RFX3: variants seen among roughly 807,000 people sequenced by gnomAD.
The protein encoded by RFX3 is regulatory factor X3, also known as transcription factor RFX3.
Under a neutral mutation model 98.6 loss-of-function variants are expected in RFX3, and 14 were observed. The ratio of observed to expected loss-of-function variants is 0.14; its 90% CI spans 0.09 to 0.22. The LOEUF is 0.22. Among genes scored for constraint, RFX3 ranks in the 10% least tolerant of loss-of-function variants. The pLI is 1.00. For synonymous variants in RFX3, 383 were observed against 328.4 expected (o/e 1.17, Z -1.80); for missense variants, 639 against 926.9 (o/e 0.69, Z 4.03).
At chr9:3,464,024 A>G (rs1413377261) in intron 1 of RFX3, among the ~76,000 whole-genome samples, 1 of 152,206 alleles carries the variant, frequency 6.6e-6, no homozygotes, top group Non-Finnish European at 1.5e-5. Context: ...AATGACCAAA[A>G]ACTACATGAA....
At chr9:3,232,810 G>A (rs1818648751) in intron 15 of RFX3, among the ~76,000 whole-genome samples, 1 of 151,552 alleles carries the variant, frequency 6.6e-6, no homozygotes, top group African/African-American at 2.4e-5. Flanking sequence ...GAAATGGGAT[G>A]GGATGTGGGG....
intron 1 of RFX3, among the ~76,000 whole-genome samples, chr9:3,412,623 T>C (rs1842554189): frequency 6.6e-6 from 1 of 152,128 alleles, no homozygotes; most frequent in Non-Finnish European, 1.5e-5. Context: ...TCCTGAAGCT[T>C]AGGGTAGTTT....
intron 1 of RFX3, among the ~76,000 whole-genome samples, chr9:3,434,960 T>C (rs1844983440): frequency 6.6e-6 from 1 of 151,986 alleles, no homozygotes; most frequent in African/African-American, 2.4e-5. Context: ...CTGTGCTGAA[T>C]ATTATAGGCA....
intron 1 of RFX3, among the ~76,000 whole-genome samples, chr9:3,447,937 C>A (rs182460862): frequency 2.0e-5 from 3 of 152,182 alleles, no homozygotes; most frequent in African/African-American, 4.8e-5. Context: ...TAATATACTC[C>A]GTCTCACAGA....
rs190197777 is a variant in RFX3, at chr9:3,357,178, A to T, written c.118-10414T>A. ...CATCCCAATCATATTTTAGATAAAAACAAAATAACCAGGACACAAAATCAT... is the reference window on the plus strand; with the variant it reads ...CATCCCAATCATATTTTAGATAAAATCAAAATAACCAGGACACAAAATCAT... On this transcript the variant is annotated intron_variant, in intron 2 of 16. Coordinates refer to ENST00000617270, the MANE Select transcript of RFX3 (RefSeq NM_001282116.2). 1.8e-3 allele frequency among the ~76,000 whole-genome samples: 275 copies of T among 152,176 alleles called. 2 individuals are homozygous for T. Among genetic ancestry groups the T allele is most frequent in the Admixed American group, 3.6e-3 (55 of 15,256 alleles).
At chr9:3,291,723 C>T (rs1827381104) in intron 6 of RFX3, among the ~76,000 whole-genome samples, 1 of 152,002 alleles carries the variant, frequency 6.6e-6, no homozygotes, top group South Asian at 2.1e-4. Context: ...TCTTTTCTTC[C>T]TACAACACTC....
rs138078802 is a variant in RFX3, at chr9:3,251,009, G to A, written c.1815-2824C>T. Among the ~76,000 whole-genome samples, 133 of 152,068 alleles carry A rather than the reference G, an allele frequency of 8.7e-4. No individual in the cohort carries two copies. The East Asian group carries it at 9.5e-3, about 11-fold the overall frequency. On this transcript the variant is annotated intron_variant, in intron 14 of 16. Transcript: ENST00000617270. ...CTTATCCAAAGATATACGTACAATC[G>A]TATATGAAGATAATCATAACAGCAT...
At chr9:3,351,864 G>T (rs1835177105) in intron 2 of RFX3, among the ~76,000 whole-genome samples, 1 of 151,782 alleles carries the variant, frequency 6.6e-6, no homozygotes, top group Non-Finnish European at 1.5e-5. Flanking sequence ...ATATAAATAG[G>T]TTCTTTAGGC....
At chr9:3,318,602 C>G (rs1050025237) in intron 4 of RFX3, among the ~76,000 whole-genome samples, 1 of 149,634 alleles carries the variant, frequency 6.7e-6, no homozygotes, top group South Asian at 2.1e-4. Flanking sequence ...TTTTCATGTC[C>G]TCTTTAACCA....
At chr9:3,293,355 T>C in intron 5 of RFX3, 97 bp from the exon 6 acceptor site, 1 of 869,408 alleles carries the variant, frequency 1.2e-6, no homozygotes, top group Non-Finnish European at 1.7e-6. Context: ...TACTTAGAAG[T>C]TCTTCATCAA....
intron 1 of RFX3, among the ~76,000 whole-genome samples, chr9:3,473,579 T>C (rs1848967207): frequency 6.6e-6 from 1 of 152,172 alleles, no homozygotes; most frequent in Non-Finnish European, 1.5e-5. Context: ...ACCCACATTG[T>C]TCATTTCCTC....
intron 2 of RFX3, among the ~76,000 whole-genome samples, chr9:3,380,518 T>G (rs1373051): frequency 0.92 from 140,152 of 152,246 alleles, 64,668 homozygotes; most frequent in East Asian, 1. Context: ...TGAAGCTCAG[T>G]AAGGCTGAAG....
At chr9:3,242,308 A>G (rs1180468888) in intron 15 of RFX3, among the ~76,000 whole-genome samples, 1 of 152,192 alleles carries the variant, frequency 6.6e-6, no homozygotes, top group Non-Finnish European at 1.5e-5. Context: ...AAAAATACTA[A>G]TATAGTAAAT....
rs1587938151 is a variant in RFX3 at position 3,525,834 on chromosome 9, AGAG to A, written c.-99_-97del. The A allele has an allele frequency of 2.4e-5, 23 of 969,240 alleles. No homozygotes were observed. In the Admixed American group the frequency reaches 3.1e-4, roughly 13 times the overall value. The allele number at this position is 969,240 out of a possible 1,614,324, so 60.0% of individuals were successfully genotyped here. On this transcript the variant is annotated 5_prime_UTR_variant, in exon 1 of 17. Coordinates refer to ENST00000617270, the MANE Select transcript of RFX3 (RefSeq NM_001282116.2). ...GAGGAGGAAGAGGAGGAGGAGGAGG[AGAG>A]GAGTAGTTGTTGTTGATGGGTAACA...
chr9:3,435,955 C>T (rs981100919), intron 1 of RFX3, among the ~76,000 whole-genome samples: 3 of 151,908 alleles, frequency 2.0e-5, no homozygotes, highest in East Asian at 3.9e-4. Flanking sequence ...CATTTTCTCT[C>T]GTGCTATTTT....
intron 1 of RFX3, among the ~76,000 whole-genome samples, chr9:3,504,166 T>A (rs550232391): frequency 1.0e-5 from 1 of 97,428 alleles, no homozygotes; most frequent in Admixed American, 1.2e-4. Context: ...ATATATTATA[T>A]ATATTATATA....
intron 1 of RFX3, among the ~76,000 whole-genome samples, chr9:3,417,170 T>A (rs973861620): frequency 1.3e-5 from 2 of 152,064 alleles, no homozygotes; most frequent in Non-Finnish European, 2.9e-5. Context: ...TAAATGTTTA[T>A]GTACCTATTG....
chr9:3,258,373 A>G (rs903252167), intron 13 of RFX3, among the ~76,000 whole-genome samples: 1 of 152,122 alleles, frequency 6.6e-6, no homozygotes, highest in African/African-American at 2.4e-5. Context: ...TAACAACTTC[A>G]ACTGAATAAA....
rs1586698398 is a variant in RFX3 at position 3,240,602 on chromosome 9, A to C, written c.1968+7430T>G. 2.0e-5 allele frequency among the ~76,000 whole-genome samples: 3 copies of C among 152,312 alleles called. No individual in the cohort carries two copies. The South Asian group carries it at 6.2e-4, about 32-fold the overall frequency. On this transcript the variant is annotated intron_variant, in intron 15 of 16. Transcript: ENST00000617270. ...GAAGTGCTTGTATTATCATCACATA[A>C]GGCCCATATTCTTGCAGAGAATCTC...
Sources: gnomAD v4.1 joint callset for allele counts (sites outside exome capture counted in the v4.1 genomes callset) on GRCh38, gnomAD v4.1.1 for gene constraint, MANE v1.5 for transcripts, NCBI Gene and HGNC (gene_info 2026-07-23, HGNC 2026-07-21) for gene names.